DSCAM: variants seen among roughly 807,000 people sequenced by gnomAD.
DSCAM encodes the protein cell adhesion molecule DSCAM.
DSCAM carries 47 observed loss-of-function variants against 217.7 expected under a neutral mutation model. The observed-to-expected ratio is 0.22, with a 90% CI of 0.17 to 0.28. The LOEUF is 0.28. DSCAM is among the 10% of genes least tolerant of loss of function. DSCAM has a pLI of 1.00. For missense variants in DSCAM, 2,080 were observed against 2,618.3 expected, an observed-to-expected ratio of 0.79 and a Z score of 4.49; for synonymous variants, 1,056 against 1,015.3, an observed-to-expected ratio of 1.04 and a Z score of -0.76.
At chr21:40,241,111 T>G (rs928032576) in intron 11 of DSCAM, among the ~76,000 whole-genome samples, 46 of 152,048 alleles carry the variant, frequency 3.0e-4, no homozygotes, top group African/African-American at 1.0e-3. Flanking sequence ...CTAAAAGCAA[T>G]CACAACAAAA....
chr21:40,275,808 G>T (rs537350501), intron 11 of DSCAM, among the ~76,000 whole-genome samples: 1 of 152,216 alleles, frequency 6.6e-6, no homozygotes, highest in East Asian at 1.9e-4. Context: ...CATCTGCTAG[G>T]TTGCCCAGAG....
intron 3 of DSCAM, chr21:40,384,637 GA>G (rs2075063995): frequency 6.5e-6 from 1 of 153,418 alleles, no homozygotes; most frequent in Non-Finnish European, 1.4e-5. Flanking sequence ...CAGGACAACA[GA>G]GATGGACGAC....
At chr21:40,359,280 C>A (rs2074731391) in intron 4 of DSCAM, among the ~76,000 whole-genome samples, 1 of 152,292 alleles carries the variant, frequency 6.6e-6, no homozygotes, top group Middle Eastern at 3.4e-3. Flanking sequence ...TTAAGAATGC[C>A]CCCTCAGTGA....
intron 3 of DSCAM, among the ~76,000 whole-genome samples, chr21:40,593,693 A>G (rs1395051028): frequency 6.6e-6 from 1 of 152,214 alleles, no homozygotes; most frequent in East Asian, 1.9e-4. Context: ...TGAAAGCATC[A>G]TGTATCATGG....
intron 3 of DSCAM, among the ~76,000 whole-genome samples, chr21:40,502,438 C>T (rs1244208076): frequency 6.6e-6 from 1 of 152,156 alleles, no homozygotes; most frequent in Non-Finnish European, 1.5e-5. Flanking sequence ...ATCTATAGTT[C>T]TGTAGGCCAT....
intron 3 of DSCAM, among the ~76,000 whole-genome samples, chr21:40,530,955 A>G (rs557807354): frequency 1.5e-5 from 2 of 136,638 alleles, no homozygotes; most frequent in East Asian, 4.3e-4. Context: ...CCATCCATCC[A>G]TCCATCCAAC....
intron 3 of DSCAM, among the ~76,000 whole-genome samples, chr21:40,436,477 G>T (rs1421031209): frequency 1.3e-5 from 2 of 152,142 alleles, no homozygotes; most frequent in African/African-American, 4.8e-5. Context: ...GCATCTAGTG[G>T]TGTGTGCACA....
intron 3 of DSCAM, among the ~76,000 whole-genome samples, chr21:40,592,117 A>G (rs1291173456): frequency 2.6e-5 from 4 of 152,166 alleles, no homozygotes; most frequent in Non-Finnish European, 5.9e-5. Flanking sequence ...GAAGGCAGTA[A>G]TACCCCATTA....
intron 8 of DSCAM, among the ~76,000 whole-genome samples, chr21:40,318,206 G>A (rs1601546142): frequency 1.4e-5 from 2 of 139,864 alleles, no homozygotes; most frequent in Admixed American, 7.1e-5. Flanking sequence ...GAGGGGGGAC[G>A]GATAGCATTA....
intron 6 of DSCAM, among the ~76,000 whole-genome samples, chr21:40,342,793 C>A (rs571480398): frequency 6.8e-4 from 59 of 87,376 alleles, no homozygotes; most frequent in Non-Finnish European, 9.7e-4. Flanking sequence ...TGCCATGTTT[C>A]CCAGGCTGGC....
At chr21:40,099,179 C>G (rs911141289) in intron 20 of DSCAM, among the ~76,000 whole-genome samples, 8 of 152,148 alleles carry the variant, frequency 5.3e-5, no homozygotes, top group African/African-American at 1.9e-4. Context: ...AGTTAAAACT[C>G]CATACTTATC....
intron 1 of DSCAM, among the ~76,000 whole-genome samples, chr21:40,814,798 G>A (rs2123559521): frequency 1.3e-5 from 2 of 152,292 alleles, no homozygotes; most frequent in Middle Eastern, 6.8e-3. Context: ...TTAACAGGAG[G>A]AAGAGCAGGT....
intron 11 of DSCAM, among the ~76,000 whole-genome samples, chr21:40,236,720 A>G (rs1265557738): frequency 1.3e-5 from 2 of 152,204 alleles, no homozygotes; most frequent in Non-Finnish European, 2.9e-5. Context: ...AGGAATAATT[A>G]TTAAATGAGT....
At chr21:40,307,325 T>A (rs1226312648) in intron 9 of DSCAM, among the ~76,000 whole-genome samples, 1 of 151,284 alleles carries the variant, frequency 6.6e-6, no homozygotes, top group Non-Finnish European at 1.5e-5. Context: ...AAAAAACACA[T>A]GAAAAAATGC....
At chr21:40,256,023 C>T (rs1182643550) in intron 11 of DSCAM, among the ~76,000 whole-genome samples, 1 of 152,186 alleles carries the variant, frequency 6.6e-6, no homozygotes, top group Non-Finnish European at 1.5e-5. Flanking sequence ...GGGTATTTTC[C>T]TTAAGTCACT....
At chr21:40,014,452 T>C (rs1182463916) in intron 32 of DSCAM, among the ~76,000 whole-genome samples, 1 of 152,018 alleles carries the variant, frequency 6.6e-6, no homozygotes, top group Non-Finnish European at 1.5e-5. Flanking sequence ...ACCAAGAGCA[T>C]CTGCTGCAGG....
chr21:40,250,517 G>A (rs2073288831), intron 11 of DSCAM, among the ~76,000 whole-genome samples: 1 of 152,294 alleles, frequency 6.6e-6, no homozygotes, highest in Admixed American at 6.5e-5. Context: ...TAGATGGCCT[G>A]CTAATACAGT....
chr21:40,655,212 G>C (rs961095636), intron 3 of DSCAM, among the ~76,000 whole-genome samples: 3 of 152,116 alleles, frequency 2.0e-5, no homozygotes, highest in African/African-American at 4.8e-5. Context: ...AAAATATCAT[G>C]CTTGTCTTAG....
intron 20 of DSCAM, among the ~76,000 whole-genome samples, chr21:40,116,025 A>C (rs1331503367): frequency 6.6e-6 from 1 of 152,230 alleles, no homozygotes; most frequent in African/African-American, 2.4e-5. Context: ...GCTGGATGCC[A>C]TTATTCTTAG....
Sources: gnomAD v4.1 joint callset for allele counts (sites outside exome capture counted in the v4.1 genomes callset) on GRCh38, gnomAD v4.1.1 for gene constraint, MANE v1.5 for transcripts, NCBI Gene and HGNC (gene_info 2026-07-23, HGNC 2026-07-21) for gene names.